The following ZRANB3 variants were observed in gnomAD, a reference collection of about 807,000 sequenced individuals.
ZRANB3 encodes DNA annealing helicase and endonuclease ZRANB3.
In ZRANB3, 125 loss-of-function variants were observed where a neutral mutation model predicts 133.8. The ratio of observed to expected loss-of-function variants is 0.93; its 90% confidence interval spans 0.81 to 1.08. The LOEUF is 1.08. ZRANB3 is among the 50% of genes least tolerant of loss of function. The pLI is 0.00. For missense variants in ZRANB3, 1,229 were observed against 1,275.5 expected, an observed-to-expected ratio of 0.96 and a Z score of 0.56; for synonymous variants, 387 against 432.7, an observed-to-expected ratio of 0.89 and a Z score of 1.31.
chr2:135,364,729 G>C (rs1685846272), intron 3 of ZRANB3, among the ~76,000 whole-genome samples: 1 of 151,976 alleles, frequency 6.6e-6, no homozygotes, highest in South Asian at 2.1e-4. Flanking sequence ...TCCAGCCTAG[G>C]CTATGACAGA....
At chr2:135,231,412 A>C (rs2105069077) in intron 12 of ZRANB3, among the ~76,000 whole-genome samples, 1 of 152,306 alleles carries the variant, frequency 6.6e-6, no homozygotes, top group Non-Finnish European at 1.5e-5. Flanking sequence ...CTAAAATATA[A>C]ACACAATGCT....
At chr2:135,441,071 A>T (rs552750436) in intron 2 of ZRANB3, among the ~76,000 whole-genome samples, 1 of 152,262 alleles carries the variant, frequency 6.6e-6, no homozygotes, top group South Asian at 2.1e-4. Context: ...CGGAAAAATC[A>T]GGGTCCGAAA....
At chr2:135,315,593 C>A in intron 6 of ZRANB3, 63 bp from the exon 7 acceptor site, 2 of 1,156,188 alleles carry the variant, frequency 1.7e-6, no homozygotes, top group Non-Finnish European at 2.3e-6. Flanking sequence ...AATAATTTAT[C>A]CAATGTGCTC....
intron 2 of ZRANB3, among the ~76,000 whole-genome samples, chr2:135,490,722 T>C (rs1692333231): frequency 6.6e-6 from 1 of 152,124 alleles, no homozygotes; most frequent in Non-Finnish European, 1.5e-5. Flanking sequence ...ATAGCCAAAA[T>C]GTGTAATCAA....
At chr2:135,393,603 G>C (rs1687345068) in intron 2 of ZRANB3, among the ~76,000 whole-genome samples, 1 of 152,080 alleles carries the variant, frequency 6.6e-6, no homozygotes, top group Non-Finnish European at 1.5e-5. Flanking sequence ...AATTTCTCTG[G>C]GCTGGCTTTT....
intron 2 of ZRANB3, among the ~76,000 whole-genome samples, chr2:135,393,292 A>C (rs1687326719): frequency 6.6e-6 from 1 of 152,224 alleles, no homozygotes; most frequent in African/African-American, 2.4e-5. Context: ...CTAAAAAGCA[A>C]TACTTGGAAA....
intron 12 of ZRANB3, among the ~76,000 whole-genome samples, chr2:135,245,258 C>A (rs1449918304): frequency 6.6e-6 from 1 of 152,154 alleles, no homozygotes; most frequent in African/African-American, 2.4e-5. Flanking sequence ...CAGTGAGAAA[C>A]CTGATCCATG....
At chr2:135,247,485 A>G (rs1695849781) in intron 12 of ZRANB3, among the ~76,000 whole-genome samples, 1 of 152,234 alleles carries the variant, frequency 6.6e-6, no homozygotes, top group Non-Finnish European at 1.5e-5. Context: ...AAAACACACA[A>G]AATAAAACAC....
chr2:135,261,839 C>A (rs1679979529), intron 12 of ZRANB3, among the ~76,000 whole-genome samples: 1 of 151,706 alleles, frequency 6.6e-6, no homozygotes, highest in South Asian at 2.1e-4. Flanking sequence ...TTATTGTAGA[C>A]CAGAATATAA....
intron 6 of ZRANB3, among the ~76,000 whole-genome samples, chr2:135,342,899 T>C (rs1003912612): frequency 1.4e-5 from 2 of 144,452 alleles, no homozygotes; most frequent in African/African-American, 5.5e-5. Flanking sequence ...GCATGGTAGC[T>C]CACACCTGTA....
chr2:135,482,895 C>T (rs902531110), intron 2 of ZRANB3, among the ~76,000 whole-genome samples: 39 of 151,690 alleles, frequency 2.6e-4, no homozygotes, highest in Admixed American at 1.4e-3. Flanking sequence ...TTGTCTTTGG[C>T]TCTGTTTATA....
chr2:135,409,687 CT>C (rs1329685273), intron 2 of ZRANB3, among the ~76,000 whole-genome samples: 1 of 152,148 alleles, frequency 6.6e-6, no homozygotes, highest in Non-Finnish European at 1.5e-5. Context: ...CTCGAATTAT[CT>C]TTTTGCACTG....
At chr2:135,225,999 GA>G (rs1474184380) in intron 14 of ZRANB3, among the ~76,000 whole-genome samples, 2 of 152,156 alleles carry the variant, frequency 1.3e-5, no homozygotes, top group Non-Finnish European at 2.9e-5. Context: ...ATAAATGAAA[GA>G]AATGTCCAAG....
chr2:135,511,309 C>G, intron 1 of ZRANB3: 1 of 928,606 alleles, frequency 1.1e-6, no homozygotes, highest in Non-Finnish European at 1.8e-6. Flanking sequence ...GACTTTTCCT[C>G]TTGGATTTCA....
chr2:135,519,063 G>A (rs1177606208), intron 1 of ZRANB3, among the ~76,000 whole-genome samples: 3 of 151,940 alleles, frequency 2.0e-5, no homozygotes, highest in East Asian at 3.9e-4. Context: ...CCATTTACAC[G>A]ACCTACTTGA....
At chr2:135,266,335 A>G (rs755255659) in intron 11 of ZRANB3, among the ~76,000 whole-genome samples, 2 of 152,164 alleles carry the variant, frequency 1.3e-5, no homozygotes, top group East Asian at 3.8e-4. Context: ...ACTCCCTAAC[A>G]TATTTCTTTT....
chr2:135,384,635 C>T (rs1686877901), intron 3 of ZRANB3, among the ~76,000 whole-genome samples: 1 of 152,184 alleles, frequency 6.6e-6, no homozygotes, highest in Non-Finnish European at 1.5e-5. Context: ...CATCAAAAAG[C>T]TTATCCACCA....
chr2:135,357,377 T>C (rs1007789183), intron 3 of ZRANB3, among the ~76,000 whole-genome samples: 3 of 151,850 alleles, frequency 2.0e-5, no homozygotes, highest in African/African-American at 7.3e-5. Context: ...CTCATTGCAA[T>C]GTCTGCCTCC....
intron 2 of ZRANB3, among the ~76,000 whole-genome samples, chr2:135,416,911 A>G (rs1372292133): frequency 8.6e-4 from 131 of 152,082 alleles, no homozygotes; most frequent in East Asian, 7.0e-3. Flanking sequence ...GCCATATGTA[A>G]AAAGCTGAAA....
Sources: gnomAD v4.1 joint callset for allele counts (sites outside exome capture counted in the v4.1 genomes callset) on GRCh38, gnomAD v4.1.1 for gene constraint, MANE v1.5 for transcripts, NCBI Gene and HGNC (gene_info 2026-07-23, HGNC 2026-07-21) for gene names.